Variants in RFX8 observed in about 807,000 individuals in gnomAD.
RFX8 encodes regulatory factor X8.
A neutral mutation model predicts 54.6 loss-of-function variants in RFX8; 46 were observed. That is an observed-to-expected ratio of 0.84 (90% confidence interval 0.67 to 1.08). The LOEUF is 1.08. RFX8 is among the 50% of genes least tolerant of loss of function. RFX8 has a pLI of 0.00. For missense variants in RFX8, 536 were observed against 562.3 expected (o/e 0.95, Z 0.47); for synonymous variants, 192 against 209.5 (o/e 0.92, Z 0.72).
chr2:101,414,568 C>T (rs1165094212), intron 7 of RFX8, among the ~76,000 whole-genome samples: 1 of 152,168 alleles, frequency 6.6e-6, no homozygotes, highest in African/African-American at 2.4e-5. Context: ...GCCCCCCACG[C>T]CTGGCCATCG....
chr2:101,419,768 C>A (rs1490163864), intron 4 of RFX8, among the ~76,000 whole-genome samples: 1 of 152,192 alleles, frequency 6.6e-6, no homozygotes, highest in Admixed American at 6.5e-5. Flanking sequence ...TGGCCACAGG[C>A]GCTGATTTAA....
chr2:101,427,356 C>T (rs765964861), intron 2 of RFX8, among the ~76,000 whole-genome samples: 20 of 152,174 alleles, frequency 1.3e-4, no homozygotes, highest in Non-Finnish European at 2.1e-4. Context: ...CCACCTTTCC[C>T]AGCTGCAGGG....
intron 2 of RFX8, among the ~76,000 whole-genome samples, chr2:101,459,149 G>T (rs867546718): frequency 1.1e-4 from 16 of 152,092 alleles, no homozygotes; most frequent in African/African-American, 3.4e-4. Flanking sequence ...CTAGCAATGG[G>T]TTCAAACATC....
At chr2:101,436,160 A>C (rs1406595804) in intron 2 of RFX8, among the ~76,000 whole-genome samples, 1 of 152,156 alleles carries the variant, frequency 6.6e-6, no homozygotes, top group Admixed American at 6.5e-5. Context: ...CTAAATTTAC[A>C]GGGCTTAGGG....
At chr2:101,415,255 G>A (rs371816955) in intron 6 of RFX8, among the ~76,000 whole-genome samples, 145 of 152,240 alleles carry the variant, frequency 9.5e-4, no homozygotes, top group African/African-American at 3.1e-3. Flanking sequence ...ATGAGGCCCC[G>A]AGTGTACAGT....
chr2:101,438,860 G>A (rs1262895793), intron 2 of RFX8, among the ~76,000 whole-genome samples: 2 of 152,150 alleles, frequency 1.3e-5, no homozygotes, highest in Non-Finnish European at 2.9e-5. Context: ...TGCCCAGGCT[G>A]GAGTGCAATG....
At position 101,402,572 on chromosome 2, in the gene RFX8, T is replaced by C. The variant is rs1685498682; in HGVS notation, c.1109A>G (p.Gln370Arg). Residue 370 changes from glutamine to arginine, a missense_variant, in exon 11 of 12, where the codon CAG (glutamine) becomes CGG (arginine). Physicochemically the swap from Gln to Arg is conservative, Grantham distance 43. Transcript: ENST00000428343. The part of the protein sequence containing the change: ...LFHSLNSSLS[Q>R]ACASPSMEPL... ...CTCCATGCTGGGGCTGGCACACGCC[T>C]GCGACAGTGAGGAATTCAGAGAATG... The C allele has an allele frequency of 1.9e-6, 3 of 1,551,768 alleles. No individual in the cohort carries two copies. The highest frequency in any genetic ancestry group is 2.6e-6 in the Non-Finnish European group (3 of 1,147,050).
intron 2 of RFX8, among the ~76,000 whole-genome samples, chr2:101,436,996 C>A (rs2871422): frequency 6.6e-6 from 1 of 152,088 alleles, no homozygotes; most frequent in Non-Finnish European, 1.5e-5. Context: ...CCTGAGACCT[C>A]GGACCCTCCA....
At chr2:101,432,884 T>A (rs868462431) in intron 2 of RFX8, among the ~76,000 whole-genome samples, 16 of 152,200 alleles carry the variant, frequency 1.1e-4, no homozygotes, top group African/African-American at 3.4e-4. Flanking sequence ...AGGCAGATCA[T>A]GACACAGGAG....
At chr2:101,464,953 G>A (rs1689494684) in intron 2 of RFX8, among the ~76,000 whole-genome samples, 1 of 152,172 alleles carries the variant, frequency 6.6e-6, no homozygotes, top group Admixed American at 6.5e-5. Flanking sequence ...ATGGCTGGAT[G>A]GGAAAAGGCT....
intron 2 of RFX8, among the ~76,000 whole-genome samples, chr2:101,459,197 C>T (rs1358206677): frequency 1.3e-5 from 2 of 152,194 alleles, no homozygotes; most frequent in Non-Finnish European, 2.9e-5. Context: ...TACCGACCTT[C>T]TGAAGCCTAT....
Position 101,397,408 on chromosome 2 carries a change from T to C in RFX8, c.*140A>G. The C allele has an allele frequency of 2.1e-6, 1 of 479,226 alleles. No homozygotes were observed. The highest frequency in any genetic ancestry group is 3.4e-6 in the Non-Finnish European group (1 of 295,126). 29.7% of individuals were successfully genotyped at this position (479,226 alleles called of 1,614,324 possible). A position where few individuals can be genotyped will look rare whatever the true frequency, so the allele number is the denominator to read the frequency against. On this transcript the variant is annotated 3_prime_UTR_variant, in exon 12 of 12. Transcript: ENST00000428343. ...TTTTATCGAAACCACCTCCTTGAAA[T>C]ACATATAAACATAAAATAGACAATG... is the stretch of plus-strand genomic sequence containing the variant.
At chr2:101,454,069 C>T (rs973245591) in intron 2 of RFX8, among the ~76,000 whole-genome samples, 11 of 151,262 alleles carry the variant, frequency 7.3e-5, no homozygotes, top group African/African-American at 2.7e-4. Flanking sequence ...CCCGACAGGC[C>T]CCGGTGTGTG....
At chr2:101,415,233 C>T (rs1686422995) in intron 6 of RFX8, among the ~76,000 whole-genome samples, 1 of 152,102 alleles carries the variant, frequency 6.6e-6, no homozygotes, top group Non-Finnish European at 1.5e-5. Context: ...GAAGTGGGGC[C>T]TTGGGGAGGT....
chr2:101,400,975 C>G (rs2104510207), intron 11 of RFX8, among the ~76,000 whole-genome samples: 1 of 152,340 alleles, frequency 6.6e-6, no homozygotes, highest in South Asian at 2.1e-4. Flanking sequence ...CACCTGCTTC[C>G]TGAAAGCGCC....
At chr2:101,467,308 A>G (rs1015784457) in intron 1 of RFX8, among the ~76,000 whole-genome samples, 3 of 152,154 alleles carry the variant, frequency 2.0e-5, no homozygotes, top group African/African-American at 7.2e-5. Flanking sequence ...AACAATACCC[A>G]GGTAAGTCCT....
intron 10 of RFX8, among the ~76,000 whole-genome samples, chr2:101,405,159 T>TC (rs1685658129): frequency 6.6e-6 from 1 of 151,252 alleles, no homozygotes; most frequent in African/African-American, 2.4e-5. Context: ...TTTTTTTTTT[T>TC]TCTTGAGGTG....
chr2:101,461,166 G>A (rs1689252890), intron 2 of RFX8, among the ~76,000 whole-genome samples: 1 of 150,012 alleles, frequency 6.7e-6, no homozygotes, highest in South Asian at 2.1e-4. Flanking sequence ...CTACTCCAGA[G>A]GCTGGAGAAT....
Position 101,412,996 on chromosome 2 carries a change from C to T in RFX8, c.637G>A (p.Gly213Ser). The T allele has an allele frequency of 2.6e-6, 4 of 1,552,030 alleles. No individual in the cohort carries two copies. Among genetic ancestry groups the T allele is most frequent in the African/African-American group, 1.4e-5 (1 of 73,152 alleles). ...GCTTTCTTAGAAGTAGCCAAAGTGC[C>T]TTGATTGATGATGGCCTGTAGATCT... ...KSDLQAIINQ[G>S]TLATSKKALA... Residue 213 changes from glycine to serine, a missense_variant, in exon 8 of 12, where the codon GGC (glycine) becomes AGC (serine). By Grantham distance (56) the Gly-to-Ser change is moderately conservative (BLOSUM62 0). Transcript: ENST00000428343.
Sources: gnomAD v4.1 joint callset for allele counts (sites outside exome capture counted in the v4.1 genomes callset) on GRCh38, gnomAD v4.1.1 for gene constraint, MANE v1.5 for transcripts, NCBI Gene and HGNC (gene_info 2026-07-23, HGNC 2026-07-21) for gene names.